EGFL6: variants seen among roughly 807,000 people sequenced by gnomAD.
EGFL6 encodes EGF like domain multiple 6.
In EGFL6, 42 loss-of-function variants were observed where a neutral mutation model predicts 43.1. The observed-to-expected ratio is 0.98, with a 90% CI of 0.76 to 1.26. The LOEUF is 1.26. Among genes scored for constraint, EGFL6 ranks in the 50% most tolerant of loss-of-function variants. The probability of loss-of-function intolerance (pLI) is 0.00; values close to 1 mark genes in which losing one functional copy is unlikely to be tolerated. For missense variants in EGFL6, 429 were observed against 427.8 expected, an observed-to-expected ratio of 1.00 and a Z score of -0.02; for synonymous variants, 164 against 163.2, an observed-to-expected ratio of 1.01 and a Z score of -0.04.
At chrX:13,595,320 CA>C (rs746777960) in intron 3 of EGFL6, among the ~76,000 whole-genome samples, 1 of 111,179 alleles carries the variant, frequency 9.0e-6, no homozygotes, top group South Asian at 3.7e-4. Context: ...TCCAGCAGTG[CA>C]AAAAAATATA....
At chrX:13,570,556 C>T (rs1173315709) in intron 1 of EGFL6, among the ~76,000 whole-genome samples, 1 of 111,753 alleles carries the variant, frequency 8.9e-6, no homozygotes, top group African/African-American at 3.3e-5. Context: ...GACTCTGAAG[C>T]CGTTCCCTAC....
intron 6 of EGFL6, among the ~76,000 whole-genome samples, chrX:13,607,789 A>G (rs1424765464): frequency 2.7e-5 from 3 of 112,244 alleles, no homozygotes; most frequent in Non-Finnish European, 5.6e-5. Flanking sequence ...TGGGGTGGAG[A>G]ATACGGCAAA....
chrX:13,597,427 G>T (rs1432434223), intron 3 of EGFL6, among the ~76,000 whole-genome samples: 1 of 112,012 alleles, frequency 8.9e-6, no homozygotes, highest in Admixed American at 9.4e-5. Flanking sequence ...CCAGCATAGA[G>T]GCCAGAGCCC....
intron 9 of EGFL6, 139 bp downstream of exon 9, chrX:13,619,382 A>T (rs923492448): frequency 5.9e-6 from 3 of 510,996 alleles, no homozygotes; most frequent in African/African-American, 2.3e-5. Flanking sequence ...CATCACACAC[A>T]CAGTGCCAGT....
intron 3 of EGFL6, among the ~76,000 whole-genome samples, chrX:13,598,953 T>TTTC (rs1352693804): frequency 5.7e-4 from 59 of 104,289 alleles, no homozygotes; most frequent in African/African-American, 2.0e-3. Flanking sequence ...CATATATATA[T>TTTC]ATATATTTTT....
chrX:13,577,103 C>T (rs915249383), intron 1 of EGFL6, among the ~76,000 whole-genome samples: 1 of 109,957 alleles, frequency 9.1e-6, no homozygotes, highest in Non-Finnish European at 1.9e-5. Flanking sequence ...CTGCCTCCCT[C>T]ACTAGACAAC....
chrX:13,632,452 C>T (rs1425996424), intron 11 of EGFL6, among the ~76,000 whole-genome samples: 1 of 108,457 alleles, frequency 9.2e-6, no homozygotes, highest in African/African-American at 3.4e-5. Flanking sequence ...CAGGCGCCCA[C>T]CACCACGCCC....
chrX:13,631,715 AG>A, intron 11 of EGFL6, among the ~76,000 whole-genome samples: 1 of 112,009 alleles, frequency 8.9e-6, no homozygotes, highest in African/African-American at 3.2e-5. Flanking sequence ...TGAGCCTGGA[AG>A]GCAGAGGTTG....
At chrX:13,599,953 T>A (rs924561526) in intron 3 of EGFL6, 22 bp from the exon 4 acceptor site, 2 of 1,206,180 alleles carry the variant, frequency 1.7e-6, no homozygotes, top group African/African-American at 1.8e-5. Flanking sequence ...CACCTTTCCC[T>A]GTTTTCTAAA....
At chrX:13,602,835 C>A (rs1321687850) in intron 4 of EGFL6, among the ~76,000 whole-genome samples, 2 of 112,021 alleles carry the variant, frequency 1.8e-5, no homozygotes, top group Admixed American at 1.9e-4. Flanking sequence ...ATCTGCCACA[C>A]GTTTTAGTTC....
At chrX:13,595,458 C>A (rs1302211258) in intron 3 of EGFL6, among the ~76,000 whole-genome samples, 3 of 111,814 alleles carry the variant, frequency 2.7e-5, no homozygotes, top group Non-Finnish European at 5.6e-5. Context: ...CTTTGCATGT[C>A]AGCACACACA....
Position 13,597,559 on chromosome X carries a change from G to A in EGFL6, c.281-2416G>A, listed in dbSNP as rs113702023. 1.8e-3 allele frequency among the ~76,000 whole-genome samples: 205 copies of A among 111,767 alleles called. 1 individual carries two copies. The highest frequency in any genetic ancestry group is 3.4e-3 in the Non-Finnish European group (180 of 53,089). ...GGCACTTAGGGAGGTCGAGGTGGGT[G>A]GATCACTTGAGGTCAAGAGTTTGAG... On this transcript the variant is annotated intron_variant, in intron 3 of 11. Coordinates refer to ENST00000361306, the MANE Select transcript of EGFL6 (RefSeq NM_015507.4).
intron 2 of EGFL6, among the ~76,000 whole-genome samples, chrX:13,592,454 T>C (rs2045569744): frequency 8.9e-6 from 1 of 112,155 alleles, no homozygotes; most frequent in African/African-American, 3.2e-5. Flanking sequence ...TTCAAATATT[T>C]AACATGTTTA....
At chrX:13,610,440 T>C in intron 7 of EGFL6, among the ~76,000 whole-genome samples, 1 of 111,146 alleles carries the variant, frequency 9.0e-6, no homozygotes, top group Non-Finnish European at 1.9e-5. Flanking sequence ...GGAGATGGTA[T>C]TAAATGACCA....
At chrX:13,616,552 G>A (rs776393413) in intron 7 of EGFL6, among the ~76,000 whole-genome samples, 1 of 109,975 alleles carries the variant, frequency 9.1e-6, no homozygotes, top group African/African-American at 3.3e-5. Context: ...GGAGGTTGCA[G>A]TGAGCCGAGA....
intron 4 of EGFL6, 89 bp from the exon 5 acceptor site, chrX:13,603,228 T>C: frequency 9.7e-7 from 1 of 1,026,252 alleles, no homozygotes; most frequent in Admixed American, 3.1e-5. Context: ...ACGTGTTCCA[T>C]TCAATGGCTC....
At chrX:13,586,960 A>G (rs1216435438) in intron 1 of EGFL6, among the ~76,000 whole-genome samples, 2 of 112,600 alleles carry the variant, frequency 1.8e-5, no homozygotes, top group Admixed American at 9.4e-5. Context: ...TACTAAGTTA[A>G]AGAAGCCAGA....
intron 1 of EGFL6, among the ~76,000 whole-genome samples, chrX:13,580,283 C>G (rs2045498339): frequency 9.0e-6 from 1 of 111,665 alleles, no homozygotes; most frequent in Admixed American, 9.5e-5. Flanking sequence ...AGTCCCAGCA[C>G]TTTCAATGCC....
chrX:13,597,550 G>A (rs1238513561), intron 3 of EGFL6, among the ~76,000 whole-genome samples: 1 of 111,806 alleles, frequency 8.9e-6, no homozygotes, highest in Non-Finnish European at 1.9e-5. Context: ...TAGGGAGGTC[G>A]AGGTGGGTGG....
Sources: allele counts gnomAD v4.1 joint callset (sites outside exome capture counted in the v4.1 genomes callset), GRCh38; gene constraint gnomAD v4.1.1; transcripts MANE v1.5; gene names NCBI Gene and HGNC (gene_info 2026-07-23, HGNC 2026-07-21).